Variants in CACNA2D1 observed in about 807,000 individuals in gnomAD.
CACNA2D1 encodes the protein calcium voltage-gated channel auxiliary subunit alpha2delta 1.
Under a neutral mutation model 171.5 loss-of-function variants are expected in CACNA2D1, and 53 were observed. That is an observed-to-expected ratio of 0.31 (90% CI 0.25 to 0.39). CACNA2D1 has a LOEUF of 0.39. Ranked by LOEUF, CACNA2D1 falls within the 10% of genes least tolerant of loss-of-function variation. The probability of loss-of-function intolerance (pLI) is 1.00; values close to 1 mark genes in which losing one functional copy is unlikely to be tolerated. For missense variants in CACNA2D1, 903 were observed against 1,299.8 expected (o/e 0.69, Z 4.69); for synonymous variants, 442 against 443.1 (o/e 1.00, Z 0.03).
At chr7:82,061,458 C>G (rs1370771270) in intron 9 of CACNA2D1, among the ~76,000 whole-genome samples, 3 of 152,146 alleles carry the variant, frequency 2.0e-5, no homozygotes, top group African/African-American at 7.2e-5. Context: ...GGTGAAAGTT[C>G]TAGAAACACA....
intron 3 of CACNA2D1, among the ~76,000 whole-genome samples, chr7:82,263,646 G>A (rs40634): frequency 6.6e-6 from 1 of 151,908 alleles, no homozygotes; most frequent in Non-Finnish European, 1.5e-5. Flanking sequence ...ACTTAAAAGA[G>A]ACATTAAAAT....
chr7:81,980,172 CAAAAAAAAAAAAAA>C (rs35616922), intron 24 of CACNA2D1, among the ~76,000 whole-genome samples: 4 of 25,256 alleles, frequency 1.6e-4, no homozygotes, highest in Admixed American at 6.5e-4. Flanking sequence ...TAAAACCAAG[CAAAAAAAAAAAAAA>C]AAAAAAAAAA....
intron 3 of CACNA2D1, among the ~76,000 whole-genome samples, chr7:82,175,175 C>G (rs911808257): frequency 6.6e-6 from 1 of 151,714 alleles, no homozygotes; most frequent in African/African-American, 2.4e-5. Flanking sequence ...CTTTTGATAG[C>G]TTTAAAAAAA....
At chr7:82,406,316 A>G (rs2129453099) in intron 1 of CACNA2D1, among the ~76,000 whole-genome samples, 1 of 152,302 alleles carries the variant, frequency 6.6e-6, no homozygotes, top group East Asian at 1.9e-4. Context: ...GGTTGGTTCC[A>G]AGACTTTGCT....
chr7:82,012,418 A>G (rs117171914), intron 14 of CACNA2D1, among the ~76,000 whole-genome samples, 175 bp from the exon 15 acceptor site: 6 of 152,262 alleles, frequency 3.9e-5, no homozygotes, highest in Non-Finnish European at 8.8e-5. Context: ...TGGTATGGCT[A>G]CGTTATTTTG....
rs1489097175 is a variant in CACNA2D1, at chr7:82,007,713, A to C, written c.1406T>G (p.Ile469Arg). The change falls in exon 16 of 39, where the codon ATA becomes AGA. Residue 469 changes from isoleucine (I) to arginine (R), a missense_variant. Ile to Arg is a moderately conservative substitution (Grantham distance 97). Coordinates refer to ENST00000356860, the MANE Select transcript of CACNA2D1 (RefSeq NM_000722.4). ...VITGTLPVFN[I>R]TGQFENKTNL... is the part of the protein sequence containing the mutation. ...TGTCTTATTTTCAAATTGGCCGGTTATGTTGAAGACCGGAAGAGTTCCAGT... is the reference window on the plus strand; with the variant it reads ...TGTCTTATTTTCAAATTGGCCGGTTCTGTTGAAGACCGGAAGAGTTCCAGT... 1 of 1,600,312 alleles carries C rather than the reference A, an allele frequency of 6.2e-7. No individual in the cohort carries two copies. The highest frequency in any genetic ancestry group is 8.6e-7 in the Non-Finnish European group (1 of 1,167,886).
chr7:82,318,677 C>A (rs1044339587), intron 3 of CACNA2D1, among the ~76,000 whole-genome samples: 1 of 152,140 alleles, frequency 6.6e-6, no homozygotes, highest in Non-Finnish European at 1.5e-5. Flanking sequence ...CTTTTCTATA[C>A]CACATCTGAT....
intron 4 of CACNA2D1, among the ~76,000 whole-genome samples, chr7:82,146,078 C>A (rs1294820032): frequency 1.3e-5 from 2 of 151,736 alleles, no homozygotes; most frequent in East Asian, 3.9e-4. Flanking sequence ...AGTTGTCCGG[C>A]ATATTAACCA....
intron 2 of CACNA2D1, among the ~76,000 whole-genome samples, chr7:82,340,293 A>G (rs985507529): frequency 6.6e-6 from 1 of 151,832 alleles, no homozygotes; most frequent in Non-Finnish European, 1.5e-5. Context: ...TTCTTGCTGA[A>G]AGCCAGGCTC....
chr7:82,401,108 G>T (rs1468892432), intron 1 of CACNA2D1, among the ~76,000 whole-genome samples: 2 of 152,028 alleles, frequency 1.3e-5, no homozygotes, highest in Non-Finnish European at 1.5e-5. Flanking sequence ...ACTGTTGGTG[G>T]GACTGTAAAC....
chr7:82,349,751 C>A, intron 1 of CACNA2D1, 102 bp from the exon 2 acceptor site: 1 of 947,532 alleles, frequency 1.1e-6, no homozygotes. Context: ...TTAAAATGCC[C>A]TTAAATTATT....
intron 1 of CACNA2D1, among the ~76,000 whole-genome samples, chr7:82,406,161 T>C (rs1008655802): frequency 9.9e-5 from 15 of 152,106 alleles, no homozygotes; most frequent in African/African-American, 1.4e-4. Context: ...GTCCTTGCAA[T>C]AGTTTGCTCA....
At chr7:82,440,875 C>T (rs923066765) in intron 1 of CACNA2D1, among the ~76,000 whole-genome samples, 7 of 151,358 alleles carry the variant, frequency 4.6e-5, no homozygotes, top group Non-Finnish European at 5.9e-5. Context: ...CCAATTAGTG[C>T]ATAATTAATT....
intron 7 of CACNA2D1, among the ~76,000 whole-genome samples, chr7:82,069,145 T>C (rs1477742756): frequency 6.6e-6 from 1 of 152,186 alleles, no homozygotes; most frequent in Non-Finnish European, 1.5e-5. Flanking sequence ...TAAAATCCCA[T>C]CATGTCATTT....
intron 6 of CACNA2D1, among the ~76,000 whole-genome samples, chr7:82,101,424 C>CA (rs1197876119): frequency 6.6e-6 from 1 of 152,022 alleles, no homozygotes; most frequent in Admixed American, 6.6e-5. Context: ...AAATGAAAGT[C>CA]AGTAAAACGT....
chr7:82,118,737 T>C (rs1357015645), intron 5 of CACNA2D1, among the ~76,000 whole-genome samples: 1 of 151,970 alleles, frequency 6.6e-6, no homozygotes. Context: ...AATAACCATA[T>C]AAATGGCTTT....
intron 12 of CACNA2D1, among the ~76,000 whole-genome samples, chr7:82,016,610 GCCCC>G (rs5885263): frequency 2.4e-4 from 12 of 50,706 alleles, no homozygotes; most frequent in African/African-American, 1.6e-3. Flanking sequence ...CTAGCCGCCC[GCCCC>G]CCCCCCCCAA....
At chr7:82,351,062 A>G (rs1285402923) in intron 1 of CACNA2D1, among the ~76,000 whole-genome samples, 1 of 152,188 alleles carries the variant, frequency 6.6e-6, no homozygotes, top group East Asian at 1.9e-4. Flanking sequence ...CTCAGGTTGT[A>G]GACCTAAAGC....
chr7:82,030,258 A>G (rs1290855745), intron 12 of CACNA2D1, among the ~76,000 whole-genome samples: 1 of 151,752 alleles, frequency 6.6e-6, no homozygotes, highest in Non-Finnish European at 1.5e-5. Context: ...CAACCAACTG[A>G]ACAATTTGTG....
Sources: allele counts gnomAD v4.1 joint callset (sites outside exome capture counted in the v4.1 genomes callset), GRCh38; gene constraint gnomAD v4.1.1; transcripts MANE v1.5; gene names NCBI Gene and HGNC (gene_info 2026-07-23, HGNC 2026-07-21).